The following ASPA variants were observed in gnomAD, a reference collection of about 807,000 sequenced individuals.
The protein encoded by ASPA is aspartoacylase, also known as ACY-2.
Under a neutral mutation model 29.6 loss-of-function variants are expected in ASPA, and 25 were observed. The observed-to-expected ratio is 0.85, with a 90% CI of 0.62 to 1.18. The LOEUF (loss-of-function observed/expected upper bound fraction) is 1.18. Ranked by LOEUF, ASPA falls within the 50% of genes most tolerant of loss-of-function variation. The pLI is 0.00. For missense variants in ASPA, 333 were observed against 385.7 expected (o/e 0.86, Z 1.14); for synonymous variants, 131 against 130.3 (o/e 1.01, Z -0.04).
At position 3,485,152 on chromosome 17, in the gene ASPA, T is replaced by C. The variant is rs1289624394; in HGVS notation, c.526+1560T>C. 6.6e-6 allele frequency among the ~76,000 whole-genome samples: 1 copy of C among 152,082 alleles called. No homozygotes were observed. The highest frequency in any genetic ancestry group is 1.5e-5 in the Non-Finnish European group (1 of 67,986). On this transcript the variant is annotated intron_variant, in intron 3 of 5. Coordinates refer to ENST00000263080, the MANE Select transcript of ASPA (RefSeq NM_000049.4). This position sits in a 1 kb window ranked among gnomAD's most constrained non-coding sequence, Gnocchi z 4.4. ...TCCCATCTCAGCCTCCCAAGTAGCT[T>C]GAACTACAGGCACGTGCCACCACAT...
chr17:3,489,104 A>G (rs2073776148), intron 3 of ASPA, 131 bp from the exon 4 acceptor site: 2 of 618,466 alleles, frequency 3.2e-6, no homozygotes, highest in African/African-American at 1.9e-5. Flanking sequence ...AATATTTTCC[A>G]TGATGCTACA....
chr17:3,498,571 TC>T (rs1798157436), intron 5 of ASPA, among the ~76,000 whole-genome samples: 1 of 152,124 alleles, frequency 6.6e-6, no homozygotes, highest in Non-Finnish European at 1.5e-5. Context: ...GGTTTTGAAC[TC>T]CTAGGCTCAA....
intron 1 of ASPA, among the ~76,000 whole-genome samples, chr17:3,477,081 G>A (rs112926051): frequency 6.6e-6 from 1 of 152,054 alleles, no homozygotes; most frequent in East Asian, 1.9e-4. Flanking sequence ...CGTGAACCCG[G>A]GAGGCGGAGC....
rs73311007 is a variant in ASPA, at chr17:3,489,169, A to G, written c.527-66A>G. On this transcript the variant is annotated intron_variant, in intron 3 of 5. Transcript: ENST00000263080. Reference sequence around the variant, plus strand: ...ATAATTCTAAATCTTGATACATTAAAATGCTTAGTTTTATAATATATTTTC... The same window carrying G: ...ATAATTCTAAATCTTGATACATTAAGATGCTTAGTTTTATAATATATTTTC... The G allele has an allele frequency of 2.7e-3, 2,641 of 971,126 alleles. 45 individuals are homozygous for G. The African/African-American group carries it at 0.038, about 14-fold the overall frequency. The allele number at this position is 971,126 out of a possible 1,614,324, so 60.2% of individuals were successfully genotyped here. A position where few individuals can be genotyped will look rare whatever the true frequency, so the allele number is the denominator to read the frequency against.
intron 1 of ASPA, 21 bp downstream of exon 1, chr17:3,476,416 G>A: frequency 6.3e-7 from 1 of 1,599,956 alleles, no homozygotes; most frequent in Non-Finnish European, 8.6e-7. Context: ...GCTTTGTATT[G>A]TATATGTATG....
chr17:3,482,702 TG>T (rs1432113902), intron 2 of ASPA, among the ~76,000 whole-genome samples: 6 of 152,222 alleles, frequency 3.9e-5, no homozygotes, highest in Non-Finnish European at 5.9e-5. Flanking sequence ...TTATTATTTT[TG>T]TTTCCCTTCA....
intron 4 of ASPA, 77 bp from the exon 5 acceptor site, chr17:3,494,273 G>A: frequency 2.6e-6 from 3 of 1,133,068 alleles, no homozygotes; most frequent in Non-Finnish European, 4.0e-6. Context: ...CAAAGTGCTG[G>A]GATGACAGGC....
intron 2 of ASPA, 67 bp downstream of exon 2, chr17:3,481,865 G>A (rs1385481220): frequency 7.3e-7 from 1 of 1,368,264 alleles, no homozygotes. Context: ...TTATGGATGT[G>A]AGACAATCAG....
chr17:3,493,560 C>CAAAA lies in ASPA; in HGVS notation c.635-770_635-767dup, dbSNP rs746229421. Among the ~76,000 whole-genome samples, 159 of 56,296 alleles carry CAAAA rather than the reference C, an allele frequency of 2.8e-3. 1 individual carries two copies. The highest frequency in any genetic ancestry group is 3.8e-3 in the Non-Finnish European group (125 of 32,624). 36.9% of individuals were successfully genotyped at this position (56,296 alleles called of 152,430 possible). A position where few individuals can be genotyped will look rare whatever the true frequency, so the allele number is the denominator to read the frequency against. On this transcript the variant is annotated intron_variant, in intron 4 of 5. Transcript: ENST00000263080. ...TGGGTGAAAGAGCGAGGTTCCATCT[C>CAAAA]AAAAAAAAAAAAAAAAAAAAAAAGG...
chr17:3,486,908 C>T (rs2073732449), intron 3 of ASPA, among the ~76,000 whole-genome samples: 1 of 152,102 alleles, frequency 6.6e-6, no homozygotes, highest in Non-Finnish European at 1.5e-5. Context: ...GATTGTAGGA[C>T]ATGGCTATGG....
chr17:3,477,111 T>G (rs1322792464), intron 1 of ASPA, among the ~76,000 whole-genome samples: 1 of 151,824 alleles, frequency 6.6e-6, no homozygotes, highest in East Asian at 1.9e-4. Flanking sequence ...GCCAAGATTG[T>G]GCCACTGCAC....
chr17:3,499,340 C>T lies in ASPA; in HGVS notation c.*252C>T. The T allele has an allele frequency of 3.2e-6, 1 of 311,224 alleles. No homozygotes were observed. Among genetic ancestry groups the T allele is most frequent in the Non-Finnish European group, 5.8e-6 (1 of 172,810 alleles). The allele number at this position is 311,224 out of a possible 1,614,324, so 19.3% of individuals were successfully genotyped here. A position where few individuals can be genotyped will look rare whatever the true frequency, so the allele number is the denominator to read the frequency against. ...TTTATTATACATGATACTTGGGTAG[C>T]TCAACATTCTTAATAAACAGCCTTT... On this transcript the variant is annotated 3_prime_UTR_variant, in exon 6 of 6. Coordinates refer to ENST00000263080, the MANE Select transcript of ASPA (RefSeq NM_000049.4).
Position 3,500,187 on chromosome 17 carries a change from A to G in ASPA, c.*1099A>G, listed in dbSNP as rs1439730237. Reference sequence around the variant, plus strand: ...AGGTTGGTTCACAAGGTTTAAGGAAAGAAGACAGCTCTAAAACCTACAAGT... The same window carrying G: ...AGGTTGGTTCACAAGGTTTAAGGAAGGAAGACAGCTCTAAAACCTACAAGT... On this transcript the variant is annotated 3_prime_UTR_variant, in exon 6 of 6. Transcript: ENST00000263080. The G allele has an allele frequency of 6.6e-6, 1 of 152,286 alleles. No individual in the cohort carries two copies. Among genetic ancestry groups the G allele is most frequent in the African/African-American group, 2.4e-5 (1 of 41,466 alleles). The allele number at this position is 152,286 out of a possible 1,614,324, so 9.4% of individuals were successfully genotyped here.
intron 5 of ASPA, among the ~76,000 whole-genome samples, chr17:3,496,300 T>C (rs1343436705): frequency 6.6e-6 from 1 of 152,206 alleles, no homozygotes; most frequent in Non-Finnish European, 1.5e-5. Flanking sequence ...CATGAATAAG[T>C]AAACAATATG....
intron 1 of ASPA, among the ~76,000 whole-genome samples, chr17:3,480,883 C>T (rs1035412469): frequency 6.6e-6 from 1 of 152,172 alleles, no homozygotes; most frequent in African/African-American, 2.4e-5. Context: ...TAATAATTGT[C>T]TCAGTTATAA....
At chr17:3,478,184 C>CA (rs1015063984) in intron 1 of ASPA, among the ~76,000 whole-genome samples, 98 of 139,200 alleles carry the variant, frequency 7.0e-4, no homozygotes, top group Middle Eastern at 3.7e-3. Context: ...GACTCCGTCT[C>CA]AAAAAAAAAA....
chr17:3,481,399 A>G (rs553686691), intron 1 of ASPA, among the ~76,000 whole-genome samples: 6 of 152,376 alleles, frequency 3.9e-5, no homozygotes, highest in South Asian at 2.1e-4. Flanking sequence ...AAGCATGCCA[A>G]TGCAACATTA....
At chr17:3,489,886 T>C (rs1465024890) in intron 4 of ASPA, among the ~76,000 whole-genome samples, 1 of 152,170 alleles carries the variant, frequency 6.6e-6, no homozygotes, top group Admixed American at 6.5e-5. Context: ...ACAAGCAACA[T>C]GTTGTTTACA....
At chr17:3,494,899 T>C (rs1031969312) in intron 5 of ASPA, among the ~76,000 whole-genome samples, 1 of 152,176 alleles carries the variant, frequency 6.6e-6, no homozygotes, top group African/African-American at 2.4e-5. Context: ...CCCACAGCCA[T>C]GTAGCTATCA....
Sources: allele counts gnomAD v4.1 joint callset (sites outside exome capture counted in the v4.1 genomes callset), GRCh38; gene constraint gnomAD v4.1.1; non-coding constraint Gnocchi (gnomAD v3.1); transcripts MANE v1.5; gene names NCBI Gene and HGNC (gene_info 2026-07-23, HGNC 2026-07-21).